The following STARD9 variants were observed in gnomAD, a reference collection of about 807,000 sequenced individuals.
STARD9 encodes the protein stAR-related lipid transfer protein 9.
STARD9 carries 346 observed loss-of-function variants against 399.8 expected under a neutral mutation model. That is an observed-to-expected ratio of 0.87 (90% confidence interval 0.79 to 0.95). STARD9 has a LOEUF of 0.95. Among genes scored for constraint, STARD9 ranks in the 40% least tolerant of loss-of-function variants. STARD9 has a pLI of 0.00. For missense variants in STARD9, 5,832 were observed against 5,667.5 expected (o/e 1.03, Z -0.93); for synonymous variants, 2,203 against 2,143.5 (o/e 1.03, Z -0.77).
rs1292068412 is a variant in STARD9 at position 42,684,911 on chromosome 15, T to C, written c.3333T>C (p.Ser1111=). 3 of 1,537,024 alleles carry C rather than the reference T, an allele frequency of 2.0e-6. No individual in the cohort carries two copies. The highest frequency in any genetic ancestry group is 2.6e-6 in the Non-Finnish European group (3 of 1,146,920). Residue 1111 remains serine (S), a synonymous_variant, in exon 23 of 33, where the codon TCT becomes TCC. Transcript: ENST00000290607. ...CAGATAGCAACTACTCATTGGATTC[T>C]CTCTCATGTGTCTATGCCAAAGCCC... ...SDTDSNYSLD[S]LSCVYAKALI... is the part of the protein sequence containing the mutation.
In STARD9 at chr15:42,682,163, G is replaced by A. The variant is rs933656947; in HGVS notation, c.2125G>A (p.Glu709Lys). 5.7e-5 allele frequency: 87 copies of A among 1,537,166 alleles called. 1 individual carries two copies. The highest frequency in any genetic ancestry group is 7.1e-5 in the Non-Finnish European group (81 of 1,146,910). ...WLASLQQQQQ[E>K]DQVAEKELEA... ...GGCCAGCTTGCAACAGCAGCAGCAAGAAGACCAGGTAGCAGAGAAAGAACT... is the reference window on the plus strand; with the variant it reads ...GGCCAGCTTGCAACAGCAGCAGCAAAAAGACCAGGTAGCAGAGAAAGAACT... Residue 709 changes from glutamate to lysine, a missense_variant, in exon 22 of 33, where the codon GAA (glutamate) becomes AAA (lysine). Glu to Lys is a moderately conservative substitution (Grantham distance 56, BLOSUM62 1). Transcript: ENST00000290607.
intron 3 of STARD9, among the ~76,000 whole-genome samples, chr15:42,617,943 A>T (rs1259108272): frequency 6.6e-6 from 1 of 151,748 alleles, no homozygotes; most frequent in Non-Finnish European, 1.5e-5. Context: ...TATTTTTTGT[A>T]CATACGGGGT....
In STARD9 at chr15:42,686,708, A is replaced by G. The variant is rs1341753141; in HGVS notation, c.5130A>G (p.Arg1710=). 5 of 1,537,616 alleles carry G rather than the reference A, an allele frequency of 3.3e-6. No homozygotes were observed. Among genetic ancestry groups the G allele is most frequent in the Middle Eastern group, 1.7e-4 (1 of 6,016 alleles). ...DCQESSKEAV[R]RHINVSFALP... ...AGGAGAGCTCTAAGGAAGCAGTTAG[A>G]AGACACATAAATGTTTCCTTTGCCC... Residue 1710 remains arginine, a synonymous_variant, in exon 23 of 33, where the codon AGA becomes AGG. Transcript: ENST00000290607.
intron 3 of STARD9, among the ~76,000 whole-genome samples, chr15:42,610,535 T>C (rs904039441): frequency 2.6e-5 from 4 of 152,164 alleles, no homozygotes; most frequent in African/African-American, 9.7e-5. Context: ...GCCAAACTTA[T>C]ACTTTCTTTT....
Position 42,686,311 on chromosome 15 carries a change from G to C in STARD9, c.4733G>C (p.Ser1578Thr). Residue 1578 changes from serine (S) to threonine (T), a missense_variant, in exon 23 of 33, where the codon AGC becomes ACC. Physicochemically the swap from Ser to Thr is moderately conservative, Grantham distance 58. Around this residue, in one of 2 missense-constraint regions of STARD9, gnomAD observed 5,828 missense variants for 5,651.1 expected, o/e 1.03. Transcript: ENST00000290607. ...AKLEGVSDFFSTSEKEASYDE... is the reference protein window; with the variant it reads ...AKLEGVSDFFTTSEKEASYDE... Reference sequence around the variant, plus strand: ...TTAGAAGGTGTTTCAGATTTCTTTAGCACTAGTGAGAAAGAGGCGAGTTAT... The same window carrying C: ...TTAGAAGGTGTTTCAGATTTCTTTACCACTAGTGAGAAAGAGGCGAGTTAT... 2.0e-6 allele frequency: 3 copies of C among 1,537,404 alleles called. No individual in the cohort carries two copies. The highest frequency in any genetic ancestry group is 2.6e-6 in the Non-Finnish European group (3 of 1,146,840).
At position 42,690,514 on chromosome 15, in the gene STARD9, A is replaced by T; in HGVS notation, c.8936A>T (p.Asp2979Val). 2 of 1,537,144 alleles carry T rather than the reference A, an allele frequency of 1.3e-6. No homozygotes were observed. The highest frequency in any genetic ancestry group is 1.2e-5 in the South Asian group (1 of 84,054). Residue 2979 changes from aspartate (D) to valine (V), a missense_variant, in exon 23 of 33, where the codon GAT becomes GTT. This residue lies in a region of STARD9 where 5,828 missense variants were observed against 5,651.1 expected (regional missense o/e 1.03). Transcript: ENST00000290607. ...SHSSTLLCFRDGDLGKEPFKA... is the reference protein window; with the variant it reads ...SHSSTLLCFRVGDLGKEPFKA... The stretch of plus-strand genomic sequence containing the variant: ...TCCTCTACTTTACTGTGTTTTAGAG[A>T]TGGTGACCTAGGGAAGGAGCCTTTC...
At position 42,694,699 on chromosome 15, in the gene STARD9, G is replaced by A; in HGVS notation, c.12936G>A (p.Leu4312=). Residue 4312 remains leucine (L), a synonymous_variant, in exon 24 of 33, where the codon CTG becomes CTA. Coordinates refer to ENST00000290607, the MANE Select transcript of STARD9 (RefSeq NM_020759.3). ...GACGCCGAGAATACCTGCAGCAACT[G>A]AGGAAGGATGTTGTGGAGACCACCA... ...PSRRREYLQQ[L]RKDVVETTRS... 1 of 1,537,214 alleles carries A rather than the reference G, an allele frequency of 6.5e-7. No homozygotes were observed. Among genetic ancestry groups the A allele is most frequent in the Non-Finnish European group, 8.7e-7 (1 of 1,146,900 alleles).
Position 42,693,222 on chromosome 15 carries a change from G to T in STARD9, c.11644G>T (p.Val3882Phe). 6.5e-7 allele frequency: 1 copy of T among 1,537,020 alleles called. No individual in the cohort carries two copies. Among genetic ancestry groups the T allele is most frequent in the Non-Finnish European group, 8.7e-7 (1 of 1,146,866 alleles). The stretch of plus-strand genomic sequence containing the variant: ...TTCCGAGTATCCTGGGGACTCCAGG[G>T]TCCAGAAGAAGCTGGGCCCCACAAG... ...STSEYPGDSR[V>F]QKKLGPTSAL... The change falls in exon 23 of 33, where the codon GTC (valine) becomes TTC (phenylalanine). Residue 3882 changes from valine to phenylalanine, a missense_variant. Around this residue, in one of 2 missense-constraint regions of STARD9, gnomAD observed 5,828 missense variants for 5,651.1 expected, o/e 1.03. Coordinates refer to ENST00000290607, the MANE Select transcript of STARD9 (RefSeq NM_020759.3).
intron 3 of STARD9, among the ~76,000 whole-genome samples, chr15:42,593,142 A>G (rs1313942142): frequency 2.6e-5 from 4 of 152,158 alleles, no homozygotes; most frequent in African/African-American, 9.7e-5. Context: ...TACGTAGTAC[A>G]AGAGAAGCAA....
rs147845475 is a variant in STARD9 at position 42,684,586 on chromosome 15, A to C, written c.3008A>C (p.Lys1003Thr). Residue 1003 changes from lysine to threonine, a missense_variant, in exon 23 of 33, where the codon AAG (lysine) becomes ACG (threonine). By Grantham distance (78) the Lys-to-Thr change is moderately conservative (BLOSUM62 -1). Around this residue, in one of 2 missense-constraint regions of STARD9, gnomAD observed 5,828 missense variants for 5,651.1 expected, o/e 1.03. Transcript: ENST00000290607. Reference sequence around the variant, plus strand: ...AACCTTGGGACCCACAAGGCTGCTAAGGGAGCCAGTTGCAATTCCTTGTAT... The same window carrying C: ...AACCTTGGGACCCACAAGGCTGCTACGGGAGCCAGTTGCAATTCCTTGTAT... ...EGNLGTHKAA[K>T]GASCNSLYPH... 6 of 1,537,264 alleles carry C rather than the reference A, an allele frequency of 3.9e-6. No homozygotes were observed. The highest frequency in any genetic ancestry group is 5.2e-6 in the Non-Finnish European group (6 of 1,146,912).
rs1192837775 is a variant in STARD9 at position 42,675,857 on chromosome 15, T to C, written c.1771-15T>C. 6.5e-7 allele frequency: 1 copy of C among 1,537,144 alleles called. No homozygotes were observed. On this transcript the variant is annotated splice_polypyrimidine_tract_variant and intron_variant, in intron 19 of 32. Transcript: ENST00000290607. ...CGATGACAGCAGCCTCACTGTGCTT[T>C]CTTCCTTGTTCAAGGTTGGAGAGGC...
At chr15:42,607,836 G>C (rs575924207) in intron 3 of STARD9, among the ~76,000 whole-genome samples, 2 of 152,158 alleles carry the variant, frequency 1.3e-5, no homozygotes, top group South Asian at 4.2e-4. Flanking sequence ...CAGTAGGGAG[G>C]ATGAATCTCT....
rs769574076 is a variant in STARD9, at chr15:42,674,428, T to G, written c.1498-12T>G. 2.5e-5 allele frequency: 39 copies of G among 1,536,674 alleles called. 1 individual carries two copies. The Middle Eastern group carries it at 2.7e-3, about 105-fold the overall frequency. Reference sequence around the variant, plus strand: ...TTTAATTCTCATTAAAATGGCTTTTTTCCCCCTTTAGGAAGGGACAACAAA... The same window carrying G: ...TTTAATTCTCATTAAAATGGCTTTTGTCCCCCTTTAGGAAGGGACAACAAA... On this transcript the variant is annotated splice_polypyrimidine_tract_variant and intron_variant, in intron 16 of 32. Transcript: ENST00000290607.
chr15:42,677,795 G>A (rs565215791), intron 20 of STARD9, among the ~76,000 whole-genome samples: 61 of 152,182 alleles, frequency 4.0e-4, no homozygotes, highest in Admixed American at 1.2e-3. Context: ...ATATATGCAC[G>A]GTGCAGACAC....
chr15:42,684,179 AT>A lies in STARD9; in HGVS notation c.2602del (p.Ser868GlnfsTer57). On this transcript the variant is annotated frameshift_variant, in exon 23 of 33. Transcript: ENST00000290607. LOFTEE classifies it high-confidence loss of function. The part of the protein sequence containing the change: ...PPRPDPTHQT[S>X]EKTSSEEHLP... ...CTAGGCCTGACCCTACACACCAAAC[AT>A]CAGAGAAAACATCATCAGAAGAGCA... 3.3e-6 allele frequency: 5 copies of A among 1,537,256 alleles called. No individual in the cohort carries two copies. Among genetic ancestry groups the A allele is most frequent in the Non-Finnish European group, 4.4e-6 (5 of 1,146,882 alleles).
At chr15:42,717,596 G>T in intron 28 of STARD9, 135 bp from the exon 29 acceptor site, 1 of 791,210 alleles carries the variant, frequency 1.3e-6, no homozygotes, top group South Asian at 1.5e-5. Flanking sequence ...CTCCACTCCA[G>T]CCTGGGTGAC....
intron 3 of STARD9, among the ~76,000 whole-genome samples, chr15:42,593,349 T>G (rs901945971): frequency 5.3e-5 from 8 of 152,158 alleles, no homozygotes; most frequent in African/African-American, 1.9e-4. Flanking sequence ...TGTAAAACTT[T>G]CCATGAGGAG....
intron 22 of STARD9, among the ~76,000 whole-genome samples, chr15:42,682,880 C>T (rs543357875): frequency 9.9e-4 from 151 of 152,244 alleles, no homozygotes; most frequent in Admixed American, 1.6e-3. Context: ...CTGGGCTATC[C>T]ATATACGTTT....
rs1272216811 is a variant in STARD9, at chr15:42,638,698, A to G, written c.447-2A>G. On this transcript the variant is annotated splice_acceptor_variant, in intron 6 of 32. Coordinates refer to ENST00000290607, the MANE Select transcript of STARD9 (RefSeq NM_020759.3). LOFTEE classifies it high-confidence loss of function. ...ATGTTGCCTTTTTCTACTTAACTCTAGTTTTCTAGAAATCTATAATGAACG... is the reference window on the plus strand; with the variant it reads ...ATGTTGCCTTTTTCTACTTAACTCTGGTTTTCTAGAAATCTATAATGAACG... 5.2e-6 allele frequency: 8 copies of G among 1,524,790 alleles called. No individual in the cohort carries two copies. The African/African-American group carries it at 9.7e-5, about 18-fold the overall frequency. 94.5% of individuals were successfully genotyped at this position (1,524,790 alleles called of 1,614,324 possible). A position where few individuals can be genotyped will look rare whatever the true frequency, so the allele number is the denominator to read the frequency against.
Sources: gnomAD v4.1 joint callset for allele counts (sites outside exome capture counted in the v4.1 genomes callset) on GRCh38, gnomAD v4.1.1 for gene constraint, gnomAD v4.1.1 regional missense constraint, MANE v1.5 for transcripts, NCBI Gene and HGNC (gene_info 2026-07-23, HGNC 2026-07-21) for gene names.